The following PAX3 variants were observed in gnomAD, a reference collection of about 807,000 sequenced individuals.
PAX3 encodes the protein paired box 3, also known as paired box protein Pax-3.
Under a neutral mutation model 51.6 loss-of-function variants are expected in PAX3, and 14 were observed. The ratio of observed to expected loss-of-function variants is 0.27; its 90% CI spans 0.18 to 0.42. PAX3 has a LOEUF of 0.42. Ranked by LOEUF, PAX3 falls within the 10% of genes least tolerant of loss-of-function variation. PAX3 has a pLI of 1.00. For synonymous variants in PAX3, 280 were observed against 253.4 expected (o/e 1.11, Z -1.00); for missense variants, 540 against 642.8 (o/e 0.84, Z 1.73).
At chr2:222,206,249 C>T (rs1691504280) in intron 7 of PAX3, among the ~76,000 whole-genome samples, 1 of 152,014 alleles carries the variant, frequency 6.6e-6, no homozygotes, top group African/African-American at 2.4e-5. Context: ...CTCCTGAACA[C>T]TGATCACACT....
At chr2:222,278,254 T>C (rs1317185515) in intron 4 of PAX3, among the ~76,000 whole-genome samples, 1 of 152,112 alleles carries the variant, frequency 6.6e-6, no homozygotes. Context: ...TCTCTGGAGA[T>C]TTAAGCCTCT....
intron 4 of PAX3, among the ~76,000 whole-genome samples, chr2:222,279,153 C>G (rs760005791): frequency 6.6e-6 from 1 of 152,114 alleles, no homozygotes; most frequent in African/African-American, 2.4e-5. Context: ...GCGGTTTCAC[C>G]GTGCTGGCTA....
At chr2:222,282,764 A>G (rs897474248) in intron 4 of PAX3, among the ~76,000 whole-genome samples, 8 of 152,200 alleles carry the variant, frequency 5.3e-5, no homozygotes, top group Non-Finnish European at 1.0e-4. Context: ...AGAATTTTTA[A>G]AAAGGAACCA....
At chr2:222,271,701 C>T (rs1426667933) in intron 4 of PAX3, among the ~76,000 whole-genome samples, 1 of 152,150 alleles carries the variant, frequency 6.6e-6, no homozygotes, top group East Asian at 1.9e-4. Flanking sequence ...TAATAGGTTT[C>T]TTATTTCCTA....
chr2:222,237,812 A>G (rs1013755370), intron 4 of PAX3, among the ~76,000 whole-genome samples: 3 of 152,178 alleles, frequency 2.0e-5, no homozygotes, highest in Non-Finnish European at 4.4e-5. Context: ...TAATTTTGGT[A>G]TTTTGTATTA....
intron 4 of PAX3, among the ~76,000 whole-genome samples, chr2:222,290,252 C>T (rs539027993): frequency 1.3e-5 from 2 of 152,190 alleles, no homozygotes; most frequent in South Asian, 4.1e-4. Context: ...TACCTCCCCC[C>T]CAAAAAGCTG....
At chr2:222,293,743 A>G (rs1559315804) in intron 4 of PAX3, 1 of 1,614,156 alleles carries the variant, frequency 6.2e-7, no homozygotes, top group Non-Finnish European at 8.5e-7. Context: ...GAAACTCCGG[A>G]GACCAGGGCC....
At chr2:222,268,144 A>G (rs1694116705) in intron 4 of PAX3, among the ~76,000 whole-genome samples, 1 of 152,228 alleles carries the variant, frequency 6.6e-6, no homozygotes, top group African/African-American at 2.4e-5. Context: ...GTAGCAGCCC[A>G]TATTGCAAAT....
chr2:222,259,716 C>A (rs1367155296), intron 4 of PAX3, among the ~76,000 whole-genome samples: 1 of 152,096 alleles, frequency 6.6e-6, no homozygotes, highest in Non-Finnish European at 1.5e-5. Context: ...AAATTCAGGA[C>A]TTTGAAGTCA....
chr2:222,294,028 G>A, intron 4 of PAX3, 139 bp downstream of exon 4: 2 of 1,553,574 alleles, frequency 1.3e-6, no homozygotes, highest in Non-Finnish European at 1.7e-6. Flanking sequence ...GTTCCATGTC[G>A]TTACTCAGGC....
At chr2:222,216,528 C>A (rs916691467) in intron 7 of PAX3, among the ~76,000 whole-genome samples, 5 of 152,114 alleles carry the variant, frequency 3.3e-5, no homozygotes, top group African/African-American at 1.2e-4. Flanking sequence ...ACAGGTGTGA[C>A]CTCCCTGAGA....
intron 4 of PAX3, among the ~76,000 whole-genome samples, chr2:222,275,497 A>G (rs1435119759): frequency 6.6e-6 from 1 of 152,100 alleles, no homozygotes; most frequent in Admixed American, 6.5e-5. Flanking sequence ...TTTACCATTC[A>G]GTCTTTGCAA....
intron 4 of PAX3, among the ~76,000 whole-genome samples, chr2:222,292,936 G>A (rs955206951): frequency 1.3e-5 from 2 of 152,166 alleles, no homozygotes; most frequent in African/African-American, 4.8e-5. Context: ...AAATCTAAAT[G>A]TTCCTTCCAG....
chr2:222,281,776 A>G (rs1694655193), intron 4 of PAX3, among the ~76,000 whole-genome samples: 1 of 152,152 alleles, frequency 6.6e-6, no homozygotes, highest in Admixed American at 6.6e-5. Context: ...ATTTTTGAAA[A>G]GCTGCTTTTG....
intron 4 of PAX3, among the ~76,000 whole-genome samples, chr2:222,265,494 A>T (rs755792780): frequency 6.9e-6 from 1 of 144,984 alleles, no homozygotes; most frequent in Non-Finnish European, 1.5e-5. Context: ...TCTACTAAAA[A>T]TACAAAAAAA....
intron 4 of PAX3, among the ~76,000 whole-genome samples, chr2:222,290,952 G>C (rs578138343): frequency 6.6e-6 from 1 of 151,908 alleles, no homozygotes; most frequent in African/African-American, 2.4e-5. Flanking sequence ...AGAAGAAGGG[G>C]GGAGGCGGGC....
chr2:222,201,437 A>G lies in PAX3; in HGVS notation c.1426T>C (p.Phe476Leu). The G allele has an allele frequency of 2.5e-6, 4 of 1,614,080 alleles. No individual in the cohort carries two copies. Among genetic ancestry groups the G allele is most frequent in the Non-Finnish European group, 3.4e-6 (4 of 1,179,998 alleles). ...YQYGQYGQSAFHYLKPDIA is the reference protein window; with the variant it reads ...YQYGQYGQSALHYLKPDIA ...GCGATATCTGGCTTGAGATAATGAA[A>G]GGCACCTGTAAGGAAACACACGCAG... Residue 476 changes from phenylalanine (F) to leucine (L), a missense_variant, in exon 9 of 9, where the codon TTT becomes CTT. Around this residue, in one of 3 missense-constraint regions of PAX3, gnomAD observed 427 missense variants for 483.6 expected, o/e 0.88. Coordinates refer to ENST00000392070, the MANE Select transcript of PAX3 (RefSeq NM_181458.4).
intron 4 of PAX3, among the ~76,000 whole-genome samples, chr2:222,285,985 T>C (rs1694821014): frequency 6.6e-6 from 1 of 152,260 alleles, no homozygotes; most frequent in Non-Finnish European, 1.5e-5. Flanking sequence ...TCATCCAGGC[T>C]GAAGTGCAGT....
At chr2:222,291,702 A>G (rs1695044740) in intron 4 of PAX3, among the ~76,000 whole-genome samples, 2 of 152,160 alleles carry the variant, frequency 1.3e-5, no homozygotes, top group Admixed American at 6.5e-5. Context: ...CTCCTCCCTC[A>G]GCTTTCTTCT....
Sources: allele counts gnomAD v4.1 joint callset (sites outside exome capture counted in the v4.1 genomes callset), GRCh38; gene constraint gnomAD v4.1.1; regional missense constraint gnomAD v4.1.1; transcripts MANE v1.5; gene names NCBI Gene and HGNC (gene_info 2026-07-23, HGNC 2026-07-21).